KCNH1: variants seen among roughly 807,000 people sequenced by gnomAD.
KCNH1 encodes voltage-gated delayed rectifier potassium channel KCNH1.
In KCNH1, 27 loss-of-function variants were observed where a neutral mutation model predicts 69.2. The ratio of observed to expected loss-of-function variants is 0.39; its 90% CI spans 0.29 to 0.54. The LOEUF is 0.54. Ranked by LOEUF, KCNH1 falls within the 20% of genes least tolerant of loss-of-function variation. KCNH1 has a pLI of 0.68. For missense variants in KCNH1, 798 were observed against 1,261.6 expected, an observed-to-expected ratio of 0.63 and a Z score of 5.57; for synonymous variants, 456 against 487.7, an observed-to-expected ratio of 0.93 and a Z score of 0.86.
At chr1:210,991,255 C>T (rs2102389264) in intron 6 of KCNH1, among the ~76,000 whole-genome samples, 1 of 152,260 alleles carries the variant, frequency 6.6e-6, no homozygotes, top group Middle Eastern at 3.4e-3. Context: ...TATATACACA[C>T]ACTGGAAAAT....
intron 5 of KCNH1, among the ~76,000 whole-genome samples, chr1:211,067,035 G>T (rs1170513680): frequency 6.6e-6 from 1 of 152,190 alleles, no homozygotes; most frequent in Admixed American, 6.5e-5. Context: ...GATGGGGAAA[G>T]ATGGTGTCCC....
At chr1:211,008,369 A>T (rs569071175) in intron 6 of KCNH1, among the ~76,000 whole-genome samples, 14 of 152,362 alleles carry the variant, frequency 9.2e-5, no homozygotes, top group Admixed American at 3.9e-4. Context: ...CAGCTGAGCC[A>T]AGCCCAAATT....
At chr1:211,005,391 G>A (rs1689261488) in intron 6 of KCNH1, among the ~76,000 whole-genome samples, 1 of 152,118 alleles carries the variant, frequency 6.6e-6, no homozygotes, top group Non-Finnish European at 1.5e-5. Flanking sequence ...TTAACACAAT[G>A]TGATATTGGT....
intron 5 of KCNH1, among the ~76,000 whole-genome samples, chr1:211,032,095 C>G (rs1043419875): frequency 6.6e-6 from 1 of 152,128 alleles, no homozygotes; most frequent in African/African-American, 2.4e-5. Context: ...GCAAAAATCA[C>G]AAGCATTCTT....
At chr1:210,727,524 G>A (rs781369177) in intron 10 of KCNH1, among the ~76,000 whole-genome samples, 15 of 152,114 alleles carry the variant, frequency 9.9e-5, no homozygotes, top group Non-Finnish European at 1.8e-4. Flanking sequence ...CATTGTCCAC[G>A]AGGAAATAGT....
chr1:210,763,403 GC>G (rs1263201432), intron 10 of KCNH1, among the ~76,000 whole-genome samples: 1 of 151,986 alleles, frequency 6.6e-6, no homozygotes, highest in African/African-American at 2.4e-5. Context: ...GAAATAAAGG[GC>G]ATCCAAACAG....
At chr1:210,714,125 A>G (rs1406242243) in intron 10 of KCNH1, among the ~76,000 whole-genome samples, 1 of 152,164 alleles carries the variant, frequency 6.6e-6, no homozygotes, top group East Asian at 1.9e-4. Flanking sequence ...GGAGAGAGGC[A>G]ACTGGGGTCA....
chr1:211,008,519 A>G (rs1036936616), intron 6 of KCNH1, among the ~76,000 whole-genome samples: 2 of 152,266 alleles, frequency 1.3e-5, no homozygotes, highest in Non-Finnish European at 2.9e-5. Flanking sequence ...CACACTCAAT[A>G]TGGTTGAGGC....
At chr1:210,847,518 G>A (rs1330053882) in intron 7 of KCNH1, among the ~76,000 whole-genome samples, 1 of 149,922 alleles carries the variant, frequency 6.7e-6, no homozygotes, top group East Asian at 2.0e-4. Flanking sequence ...CTCATAGGTG[G>A]GAACTGAACA....
chr1:210,733,629 A>G (rs750199745), intron 10 of KCNH1, among the ~76,000 whole-genome samples: 13 of 152,212 alleles, frequency 8.5e-5, no homozygotes, highest in Non-Finnish European at 1.6e-4. Flanking sequence ...CAGGACACTC[A>G]TGAGATTTTT....
intron 7 of KCNH1, among the ~76,000 whole-genome samples, chr1:210,848,517 C>T (rs149892749): frequency 6.6e-6 from 1 of 152,202 alleles, no homozygotes; most frequent in Non-Finnish European, 1.5e-5. Context: ...ATATCACTGA[C>T]ATTACTGGCC....
chr1:210,847,435 A>G (rs1685581625), intron 7 of KCNH1, among the ~76,000 whole-genome samples: 1 of 152,216 alleles, frequency 6.6e-6, no homozygotes, highest in Non-Finnish European at 1.5e-5. Context: ...TTGTAGGGAC[A>G]TGGATGAAAC....
intron 3 of KCNH1, among the ~76,000 whole-genome samples, chr1:211,101,053 A>G (rs979940118): frequency 3.3e-5 from 5 of 151,988 alleles, no homozygotes; most frequent in Admixed American, 3.3e-4. Context: ...ACTCCCCTCT[A>G]TCCTTCCAGT....
At chr1:210,706,721 TA>T (rs1014943726) in intron 10 of KCNH1, among the ~76,000 whole-genome samples, 8 of 152,218 alleles carry the variant, frequency 5.3e-5, no homozygotes, top group African/African-American at 1.9e-4. Flanking sequence ...TAGAAGGCAA[TA>T]AAAACACTTA....
intron 1 of KCNH1, among the ~76,000 whole-genome samples, chr1:211,121,095 C>A (rs891538755): frequency 8.5e-5 from 13 of 152,160 alleles, no homozygotes; most frequent in Admixed American, 8.5e-4. Flanking sequence ...ATGAAAATGG[C>A]CATACTGCCC....
intron 10 of KCNH1, among the ~76,000 whole-genome samples, chr1:210,739,658 T>C (rs1574224703): frequency 6.6e-6 from 1 of 152,362 alleles, no homozygotes. Flanking sequence ...TAGTCTGGCA[T>C]GAATGCTCAC....
rs1277709656 is a variant in KCNH1, at chr1:210,860,990, T to A, written c.1463-56824A>T. The A allele has an allele frequency of 2.8e-6, 3 of 1,056,804 alleles. No individual in the cohort carries two copies. The East Asian group carries it at 7.1e-5, about 25-fold the overall frequency. 65.5% of individuals were successfully genotyped at this position (1,056,804 alleles called of 1,614,324 possible). On this transcript the variant is annotated intron_variant, in intron 7 of 10. Coordinates refer to ENST00000271751, the MANE Select transcript of KCNH1 (RefSeq NM_172362.3). ...AAAGAGCCAATCATGCAGGGCTCCATCTTTTTTTCAAAGGTCAGCATTGGG... is the reference window on the plus strand; with the variant it reads ...AAAGAGCCAATCATGCAGGGCTCCAACTTTTTTTCAAAGGTCAGCATTGGG...
chr1:211,048,850 C>G (rs1191278357), intron 5 of KCNH1, among the ~76,000 whole-genome samples: 2 of 152,144 alleles, frequency 1.3e-5, no homozygotes, highest in African/African-American at 4.8e-5. Context: ...ATTTAAAAAA[C>G]TAATAGTTTT....
At position 211,134,007 on chromosome 1, in the gene KCNH1, TG is replaced by T; in HGVS notation, c.-63del. Reference sequence around the variant, plus strand: ...GCGGCTTCTTACGACAGCAGGAAACTGGCCTCGGGGCCCGCACGCAGTCCCG... The same window carrying T: ...GCGGCTTCTTACGACAGCAGGAAACTGCCTCGGGGCCCGCACGCAGTCCCG... On this transcript the variant is annotated 5_prime_UTR_variant, in exon 1 of 11. It removes the in-frame stop codon of an upstream open reading frame in the 5' UTR. Transcript: ENST00000271751. This position sits in a 1 kb window ranked among gnomAD's most constrained non-coding sequence, Gnocchi z 5.7. 4.8e-6 allele frequency: 7 copies of T among 1,455,258 alleles called. No individual in the cohort carries two copies. The highest frequency in any genetic ancestry group is 6.7e-6 in the Non-Finnish European group (7 of 1,042,736). The allele number at this position is 1,455,258 out of a possible 1,614,324, so 90.1% of individuals were successfully genotyped here. A position where few individuals can be genotyped will look rare whatever the true frequency, so the allele number is the denominator to read the frequency against.
Sources: allele counts gnomAD v4.1 joint callset (sites outside exome capture counted in the v4.1 genomes callset), GRCh38; gene constraint gnomAD v4.1.1; non-coding constraint Gnocchi (gnomAD v3.1); transcripts MANE v1.5; gene names NCBI Gene and HGNC (gene_info 2026-07-23, HGNC 2026-07-21).